The following NKD1 variants were observed in gnomAD, a reference collection of about 807,000 sequenced individuals.
NKD1 encodes protein naked cuticle homolog 1.
A neutral mutation model predicts 56.0 loss-of-function variants in NKD1; 21 were observed. That is an observed-to-expected ratio of 0.38 (90% CI 0.27 to 0.54). NKD1 has a LOEUF of 0.54. Ranked by LOEUF, NKD1 falls within the 20% of genes least tolerant of loss-of-function variation. NKD1 has a pLI of 0.82. For missense variants in NKD1, 578 were observed against 642.7 expected (o/e 0.90, Z 1.09); for synonymous variants, 263 against 265.7 (o/e 0.99, Z 0.10).
Position 50,625,596 on chromosome 16 carries a change from TG to T in NKD1, c.462+18del. 1 of 1,556,706 alleles carries T rather than the reference TG, an allele frequency of 6.4e-7. No individual in the cohort carries two copies. Among genetic ancestry groups the T allele is most frequent in the Non-Finnish European group, 8.9e-7 (1 of 1,128,190 alleles). ...CACCCGAGAGGTGAGTGCACCTGCC[TG>T]GCCTCTTGCCGTGTATCATACCCGC... On this transcript the variant is annotated intron_variant, in intron 6 of 9. Transcript: ENST00000268459.
chr16:50,574,007 C>G, intron 3 of NKD1: 1 of 953,256 alleles, frequency 1.0e-6, no homozygotes, highest in Non-Finnish European at 1.2e-6. Flanking sequence ...TCTATATATA[C>G]ATAGAAATTT....
chr16:50,571,203 C>T (rs961685651), intron 3 of NKD1, among the ~76,000 whole-genome samples: 2 of 152,226 alleles, frequency 1.3e-5, no homozygotes, highest in African/African-American at 4.8e-5. Context: ...GCCTAGGGGG[C>T]TGCAGGTGGC....
At chr16:50,593,394 G>A (rs940437408) in intron 3 of NKD1, among the ~76,000 whole-genome samples, 5 of 152,152 alleles carry the variant, frequency 3.3e-5, no homozygotes, top group Non-Finnish European at 7.4e-5. Context: ...GCATCCCCTC[G>A]TGGCTCTGTT....
Position 50,549,513 on chromosome 16 carries a change from C to T in NKD1, c.150C>T (p.Pro50=), listed in dbSNP as rs370440683. 7.5e-5 allele frequency: 121 copies of T among 1,608,238 alleles called. No individual in the cohort carries two copies. Among genetic ancestry groups the T allele is most frequent in the Non-Finnish European group, 9.9e-5 (117 of 1,177,256 alleles). Residue 50 remains proline (P), a synonymous_variant, in exon 3 of 10, where the codon CCC becomes CCT. Coordinates refer to ENST00000268459, the MANE Select transcript of NKD1 (RefSeq NM_033119.5). ...GCTGCCCGGGCGGTGTCTCGGGACC[C>T]CGACAGCTGCGGTTGGCGGGCACCA... ...RQRCPGGVSG[P]RQLRLAGTIG...
intron 3 of NKD1, among the ~76,000 whole-genome samples, chr16:50,590,649 A>T (rs960237147): frequency 3.3e-5 from 5 of 152,254 alleles, no homozygotes; most frequent in Non-Finnish European, 7.3e-5. Context: ...AAACTAAGGT[A>T]CAAAGAAGTT....
intron 3 of NKD1, among the ~76,000 whole-genome samples, chr16:50,564,078 T>C (rs2151264771): frequency 6.6e-6 from 1 of 152,360 alleles, no homozygotes; most frequent in African/African-American, 2.4e-5. Flanking sequence ...AAGAAAGCTC[T>C]CCCCCACAGG....
At chr16:50,589,821 C>G (rs965134693) in intron 3 of NKD1, among the ~76,000 whole-genome samples, 1 of 120,534 alleles carries the variant, frequency 8.3e-6, no homozygotes. Context: ...CCTCTCCTCT[C>G]CTCTCCTCTC....
At chr16:50,557,115 G>C (rs1290302722) in intron 3 of NKD1, 2 of 152,120 alleles carry the variant, frequency 1.3e-5, no homozygotes, top group African/African-American at 4.8e-5. Context: ...ACCTGTGCTT[G>C]GTACCTAGAG....
At position 50,633,648 on chromosome 16, in the gene NKD1, T is replaced by C. The variant is rs1962401778; in HGVS notation, c.1280T>C (p.Leu427Pro). 2.5e-6 allele frequency: 4 copies of C among 1,606,522 alleles called. No homozygotes were observed. In the East Asian group the frequency reaches 9.0e-5, roughly 36 times the overall value. The part of the protein sequence containing the change: ...QAPLASGGPV[L>P]GREHLRELPA... ...CCACTGGCCTCAGGTGGCCCTGTCC[T>C]GGGGCGGGAGCACCTGCGGGAGCTG... Residue 427 changes from leucine to proline, a missense_variant, in exon 10 of 10, where the codon CTG (leucine) becomes CCG (proline). Coordinates refer to ENST00000268459, the MANE Select transcript of NKD1 (RefSeq NM_033119.5). This position sits in a 1 kb window ranked among gnomAD's most constrained non-coding sequence, Gnocchi z 4.9.
At chr16:50,565,753 T>C (rs954184025) in intron 3 of NKD1, among the ~76,000 whole-genome samples, 1 of 152,368 alleles carries the variant, frequency 6.6e-6, no homozygotes, top group South Asian at 2.1e-4. Context: ...TTAAGATTCA[T>C]GTATACATCT....
At chr16:50,576,863 C>G (rs1462526471) in intron 3 of NKD1, among the ~76,000 whole-genome samples, 1 of 151,944 alleles carries the variant, frequency 6.6e-6, no homozygotes, top group South Asian at 2.1e-4. Context: ...GTATTCCTAC[C>G]ATCCCCGTCA....
In NKD1 at chr16:50,633,842, A is replaced by G; in HGVS notation, c.*61A>G. The G allele has an allele frequency of 2.7e-6, 2 of 729,586 alleles. No homozygotes were observed. Among genetic ancestry groups the G allele is most frequent in the Non-Finnish European group, 4.3e-6 (2 of 460,398 alleles). 45.2% of individuals were successfully genotyped at this position (729,586 alleles called of 1,614,324 possible). ...GACCCCACCCCCGACACCACAAGGC[A>G]TTATTATTCTATTAATTATTGTTAT... is the stretch of plus-strand genomic sequence containing the variant. On this transcript the variant is annotated 3_prime_UTR_variant, in exon 10 of 10. Coordinates refer to ENST00000268459, the MANE Select transcript of NKD1 (RefSeq NM_033119.5). This position sits in a 1 kb window ranked among gnomAD's most constrained non-coding sequence, Gnocchi z 4.9.
intron 6 of NKD1, among the ~76,000 whole-genome samples, chr16:50,626,138 C>T (rs1436422781): frequency 6.6e-6 from 1 of 152,252 alleles, no homozygotes; most frequent in East Asian, 1.9e-4. Flanking sequence ...ACCTCTTCTT[C>T]CTTATCCCTC....
chr16:50,551,351 T>C (rs58221048), intron 3 of NKD1, among the ~76,000 whole-genome samples: 24,556 of 152,120 alleles, frequency 0.16, 3,752 homozygotes, highest in African/African-American at 0.4. Context: ...TGTCCCCCTC[T>C]CTCCCTCACC....
In NKD1 at chr16:50,636,632, C is replaced by T. The variant is rs908813017; in HGVS notation, c.*2851C>T. ...CAATTGAAATACTGTGCCTCAGTTT[C>T]TCCTTTATAAAGGCAGGGATCATGA... On this transcript the variant is annotated 3_prime_UTR_variant, in exon 10 of 10. Transcript: ENST00000268459. 3 of 152,176 alleles carry T rather than the reference C, an allele frequency of 2.0e-5. No homozygotes were observed. The highest frequency in any genetic ancestry group is 4.8e-5 in the African/African-American group (2 of 41,444). 9.4% of individuals were successfully genotyped at this position (152,176 alleles called of 1,614,324 possible). A position where few individuals can be genotyped will look rare whatever the true frequency, so the allele number is the denominator to read the frequency against.
rs1960324676 is a variant in NKD1 at position 50,549,446 on chromosome 16, C to T, written c.83C>T (p.Ala28Val). Reference sequence around the variant, plus strand: ...GGTGACAGCTTCGCCGTGAGCGCTGCCTGGGCTCGGAAGGGCATCGAGGAG... The same window carrying T: ...GGTGACAGCTTCGCCGTGAGCGCTGTCTGGGCTCGGAAGGGCATCGAGGAG... ...PEGDSFAVSAAWARKGIEEWI... is the reference protein window; with the variant it reads ...PEGDSFAVSAVWARKGIEEWI... The change falls in exon 3 of 10, where the codon GCC (alanine) becomes GTC (valine). Residue 28 changes from alanine (A) to valine (V), a missense_variant. By Grantham distance (64) the Ala-to-Val change is moderately conservative (BLOSUM62 0). Transcript: ENST00000268459. 2 of 1,611,344 alleles carry T rather than the reference C, an allele frequency of 1.2e-6. No individual in the cohort carries two copies. Among genetic ancestry groups the T allele is most frequent in the Non-Finnish European group, 1.7e-6 (2 of 1,178,956 alleles).
chr16:50,645,776 G>A lies in NKD1; in HGVS notation c.*11995G>A, dbSNP rs1319545995. The A allele has an allele frequency of 1.3e-5, 2 of 152,160 alleles. No individual in the cohort carries two copies. The highest frequency in any genetic ancestry group is 2.9e-5 in the Non-Finnish European group (2 of 68,040). The allele number at this position is 152,160 out of a possible 1,614,324, so 9.4% of individuals were successfully genotyped here. ...ACATGTGGGATCAGCACTACCTTCC[G>A]TGCTGCCGAACATCTTCTTAAGCGA... On this transcript the variant is annotated 3_prime_UTR_variant, in exon 10 of 10. Transcript: ENST00000268459.
chr16:50,583,793 G>A (rs1262785443), intron 3 of NKD1, among the ~76,000 whole-genome samples: 1 of 152,222 alleles, frequency 6.6e-6, no homozygotes, highest in Non-Finnish European at 1.5e-5. Flanking sequence ...TGACACAGGT[G>A]TGATGGAGCG....
In NKD1 at chr16:50,645,091, C is replaced by T. The variant is rs1426678888; in HGVS notation, c.*11310C>T. The T allele has an allele frequency of 6.6e-6, 1 of 152,280 alleles. No individual in the cohort carries two copies. The highest frequency in any genetic ancestry group is 1.5e-5 in the Non-Finnish European group (1 of 68,074). The allele number at this position is 152,280 out of a possible 1,614,324, so 9.4% of individuals were successfully genotyped here. ...TTTACCACCGTCATCTCCAGGCTTT[C>T]TGTTCATCCGTACTTTCAAAGATTT... On this transcript the variant is annotated 3_prime_UTR_variant, in exon 10 of 10. Coordinates refer to ENST00000268459, the MANE Select transcript of NKD1 (RefSeq NM_033119.5).
Sources: gnomAD v4.1 joint callset for allele counts (sites outside exome capture counted in the v4.1 genomes callset) on GRCh38, gnomAD v4.1.1 for gene constraint, Gnocchi (gnomAD v3.1) non-coding constraint, MANE v1.5 for transcripts, NCBI Gene and HGNC (gene_info 2026-07-23, HGNC 2026-07-21) for gene names.